The following ADGRL2 variants were observed in gnomAD, a reference collection of about 807,000 sequenced individuals.
ADGRL2 encodes calcium-independent alpha-latrotoxin receptor 2.
ADGRL2 carries 44 observed loss-of-function variants against 157.4 expected under a neutral mutation model. The observed-to-expected ratio is 0.28, with a 90% confidence interval of 0.22 to 0.36. The LOEUF is 0.36. Among genes scored for constraint, ADGRL2 ranks in the 10% least tolerant of loss-of-function variants. The probability of loss-of-function intolerance (pLI) is 1.00; values close to 1 mark genes in which losing one functional copy is unlikely to be tolerated. For synonymous variants in ADGRL2, 585 were observed against 624.7 expected (o/e 0.94, Z 0.95); for missense variants, 1,510 against 1,768.9 (o/e 0.85, Z 2.63).
At chr1:81,389,893 A>G (rs2076502936) in intron 1 of ADGRL2, among the ~76,000 whole-genome samples, 1 of 152,136 alleles carries the variant, frequency 6.6e-6, no homozygotes, top group African/African-American at 2.4e-5. Context: ...GAAAGAGAGA[A>G]AGAAGCTATA....
chr1:81,797,442 T>C (rs1330429397), upstream of ADGRL2, among the ~76,000 whole-genome samples: 1 of 152,200 alleles, frequency 6.6e-6, no homozygotes, highest in African/African-American at 2.4e-5. Flanking sequence ...TGGCAGTTTT[T>C]GGCCTACTCT....
At chr1:81,584,328 A>G (rs1164615801) in intron 3 of ADGRL2, among the ~76,000 whole-genome samples, 1 of 152,148 alleles carries the variant, frequency 6.6e-6, no homozygotes, top group Non-Finnish European at 1.5e-5. Context: ...TGGAACTTAA[A>G]TGGGATACTT....
At chr1:81,793,225 G>A (rs2087432864) in intron 2 of ADGRL2, among the ~76,000 whole-genome samples, 1 of 151,578 alleles carries the variant, frequency 6.6e-6, no homozygotes, top group South Asian at 2.1e-4. Flanking sequence ...ATAATGTATA[G>A]CACTCTTGTT....
chr1:81,447,828 A>G (rs183145499), intron 2 of ADGRL2, among the ~76,000 whole-genome samples: 3 of 152,114 alleles, frequency 2.0e-5, no homozygotes, highest in Admixed American at 1.3e-4. Context: ...GTAATCCCCA[A>G]TGTTGGAGTG....
chr1:81,808,170 AGTTT>A (rs1229645388), intron 1 of ADGRL2, among the ~76,000 whole-genome samples: 2 of 152,054 alleles, frequency 1.3e-5, no homozygotes, highest in East Asian at 1.9e-4. Flanking sequence ...GAAGTAATAT[AGTTT>A]GTCTTCACAG....
chr1:81,810,848 A>G (rs570630187), intron 1 of ADGRL2, among the ~76,000 whole-genome samples: 1 of 152,042 alleles, frequency 6.6e-6, no homozygotes, highest in African/African-American at 2.4e-5. Context: ...ATTACACTAA[A>G]ATTATAATGT....
intron 19 of ADGRL2, among the ~76,000 whole-genome samples, chr1:81,982,316 A>G (rs1661903170): frequency 6.6e-6 from 1 of 152,024 alleles, no homozygotes; most frequent in African/African-American, 2.4e-5. Flanking sequence ...AAGGCATTAC[A>G]GTGATTCACA....
rs140868030 is a variant in ADGRL2, at chr1:81,566,239, G to T, written c.-247-14637G>T. On this transcript the variant is annotated intron_variant, in intron 2 of 24. Coordinates refer to the ADGRL2 transcript ENST00000370721. ...TGCAAACATGTATTGGTTGCCATTAGGTTGTTCCTGATTAGTTTTTGTCCA... is the reference window on the plus strand; with the variant it reads ...TGCAAACATGTATTGGTTGCCATTATGTTGTTCCTGATTAGTTTTTGTCCA... Among the ~76,000 whole-genome samples, 226 of 152,174 alleles carry T rather than the reference G, an allele frequency of 1.5e-3. No homozygotes were observed. The East Asian group carries it at 0.038, about 26-fold the overall frequency.
At chr1:81,893,674 T>C (rs1295799013) in intron 2 of ADGRL2, among the ~76,000 whole-genome samples, 2 of 152,228 alleles carry the variant, frequency 1.3e-5, no homozygotes, top group Non-Finnish European at 2.9e-5. Context: ...GCTACCGTGC[T>C]GTTCCTTAGT....
chr1:81,911,947 T>G (rs927477454), intron 3 of ADGRL2, among the ~76,000 whole-genome samples: 2 of 151,796 alleles, frequency 1.3e-5, no homozygotes, highest in African/African-American at 4.8e-5. Context: ...GGCCTAGATT[T>G]ATGGAACTAG....
At chr1:81,836,457 A>C (rs1240816738) in intron 1 of ADGRL2, among the ~76,000 whole-genome samples, 2 of 152,126 alleles carry the variant, frequency 1.3e-5, no homozygotes, top group African/African-American at 4.8e-5. Context: ...GACAGAACCC[A>C]GCAAATGACC....
chr1:81,508,177 A>G (rs1416979189), intron 2 of ADGRL2, among the ~76,000 whole-genome samples: 1 of 152,226 alleles, frequency 6.6e-6, no homozygotes, highest in Non-Finnish European at 1.5e-5. Flanking sequence ...TAGCTTGTGT[A>G]TGCATATGTA....
chr1:81,896,773 C>G (rs937922064), intron 2 of ADGRL2, among the ~76,000 whole-genome samples: 1 of 152,066 alleles, frequency 6.6e-6, no homozygotes, highest in Non-Finnish European at 1.5e-5. Flanking sequence ...AGCTCAGAGT[C>G]CAGTAAGGAG....
intron 2 of ADGRL2, among the ~76,000 whole-genome samples, chr1:81,792,226 T>A (rs1186771658): frequency 6.6e-6 from 1 of 152,108 alleles, no homozygotes; most frequent in African/African-American, 2.4e-5. Context: ...AAAATGAATA[T>A]AGAAAATCAT....
chr1:81,972,848 G>A (rs1021626455), intron 17 of ADGRL2, among the ~76,000 whole-genome samples: 1 of 151,348 alleles, frequency 6.6e-6, no homozygotes, highest in African/African-American at 2.4e-5. Context: ...GGAGCACAAG[G>A]CTGCGGTGAG....
intron 1 of ADGRL2, among the ~76,000 whole-genome samples, chr1:81,389,008 C>A (rs2076488384): frequency 6.6e-6 from 1 of 152,076 alleles, no homozygotes; most frequent in African/African-American, 2.4e-5. Context: ...TGACAGAAAT[C>A]AAAAATACCC....
chr1:81,702,600 A>G (rs565533901), intron 1 of ADGRL2, among the ~76,000 whole-genome samples: 1 of 152,342 alleles, frequency 6.6e-6, no homozygotes, highest in South Asian at 2.1e-4. Flanking sequence ...ACTTTTCCTT[A>G]TGGCTCTGTC....
chr1:81,856,394 T>C (rs1315416622), intron 2 of ADGRL2, among the ~76,000 whole-genome samples: 2 of 152,156 alleles, frequency 1.3e-5, no homozygotes, highest in African/African-American at 4.8e-5. Context: ...ATGGGCTTCT[T>C]CTTTTTGTAT....
At chr1:81,472,866 T>G (rs182237440) in intron 2 of ADGRL2, among the ~76,000 whole-genome samples, 15 of 152,256 alleles carry the variant, frequency 9.9e-5, no homozygotes, top group Admixed American at 7.2e-4. Flanking sequence ...TGGTAACATT[T>G]TACATAAGAT....
Sources: allele counts gnomAD v4.1 joint callset (sites outside exome capture counted in the v4.1 genomes callset), GRCh38; gene constraint gnomAD v4.1.1; transcripts MANE v1.5; gene names NCBI Gene and HGNC (gene_info 2026-07-23, HGNC 2026-07-21).